Variants in ABI3BP observed in about 807,000 individuals in gnomAD.
ABI3BP encodes target of Nesh-SH3.
In ABI3BP, 216 loss-of-function variants were observed where a neutral mutation model predicts 268.6. The observed-to-expected ratio is 0.80, with a 90% CI of 0.72 to 0.90. ABI3BP has a LOEUF of 0.90. Among genes scored for constraint, ABI3BP ranks in the 40% least tolerant of loss-of-function variants. The probability of loss-of-function intolerance (pLI) is 0.00; values close to 1 mark genes in which losing one functional copy is unlikely to be tolerated. For missense variants in ABI3BP, 2,090 were observed against 2,182.4 expected (o/e 0.96, Z 0.84); for synonymous variants, 730 against 730.0 (o/e 1.00, Z 0.00).
At chr3:100,814,632 A>C (rs1437765069) in intron 44 of ABI3BP, among the ~76,000 whole-genome samples, 1 of 152,118 alleles carries the variant, frequency 6.6e-6, no homozygotes, top group East Asian at 1.9e-4. Context: ...CTTCATGATT[A>C]CTTTGTACTT....
In ABI3BP at chr3:100,864,067, T is replaced by C. The variant is rs1281426343; in HGVS notation, c.1073A>G (p.Lys358Arg). 1 of 1,535,914 alleles carries C rather than the reference T, an allele frequency of 6.5e-7. No individual in the cohort carries two copies. The highest frequency in any genetic ancestry group is 1.2e-5 in the South Asian group (1 of 84,058). ...AGTTTGCAATGTTTCCGGGGTCCTT[T>C]TGCTGAGAACTACAATAAAAAAGAG... ...DVSETTLVLS[K>R]RTPETLQTIL... Residue 358 changes from lysine (K) to arginine (R), a missense_variant, in exon 12 of 68, where the codon AAA (lysine) becomes AGA (arginine). By Grantham distance (26) the Lys-to-Arg change is conservative. Transcript: ENST00000471714.
intron 1 of ABI3BP, among the ~76,000 whole-genome samples, chr3:100,951,897 G>A (rs1311855032): frequency 6.6e-6 from 1 of 151,408 alleles, no homozygotes; most frequent in African/African-American, 2.5e-5. Flanking sequence ...ACATTCTTAA[G>A]GACAAACCAT....
chr3:100,812,564 G>C, intron 45 of ABI3BP, 41 bp from the exon 46 acceptor site: 1 of 1,241,248 alleles, frequency 8.1e-7, no homozygotes, highest in Non-Finnish European at 1.0e-6. Context: ...TAAAGGATAG[G>C]TTGTAAGTAT....
chr3:100,778,192 A>G, intron 59 of ABI3BP, 92 bp downstream of exon 59: 1 of 1,224,054 alleles, frequency 8.2e-7, no homozygotes, highest in East Asian at 2.4e-5. Flanking sequence ...ACACATCAAT[A>G]GTGTGCCTGT....
At chr3:100,938,365 G>T (rs377558997) in intron 1 of ABI3BP, among the ~76,000 whole-genome samples, 3 of 151,842 alleles carry the variant, frequency 2.0e-5, no homozygotes, top group South Asian at 2.1e-4. Flanking sequence ...AATTCTTAGG[G>T]AGTCGAAAAG....
intron 2 of ABI3BP, 40 bp downstream of exon 2, chr3:100,926,262 T>TACCTCCTG: frequency 6.2e-7 from 1 of 1,602,254 alleles, no homozygotes; most frequent in Admixed American, 1.7e-5. Context: ...CCCCACCTCT[T>TACCTCCTG]ACCTCCTTTC....
At chr3:100,853,928 T>A (rs7619641) in intron 14 of ABI3BP, among the ~76,000 whole-genome samples, 51,823 of 152,010 alleles carry the variant, frequency 0.34, 9,262 homozygotes, top group African/African-American at 0.43. Flanking sequence ...GTAGTTTCCA[T>A]GAGTTGGAAA....
intron 51 of ABI3BP, among the ~76,000 whole-genome samples, chr3:100,804,373 A>T (rs1217608838): frequency 6.6e-6 from 1 of 152,208 alleles, no homozygotes; most frequent in Non-Finnish European, 1.5e-5. Flanking sequence ...CAATGTGGAC[A>T]TAGTACAATT....
At chr3:100,870,979 T>TA (rs1013381992) in intron 9 of ABI3BP, among the ~76,000 whole-genome samples, 11 of 152,170 alleles carry the variant, frequency 7.2e-5, no homozygotes, top group African/African-American at 2.4e-4. Context: ...ATGTGGAATC[T>TA]AAAAAAAGTC....
chr3:100,771,450 TAAG>T (rs1386242158), intron 61 of ABI3BP, among the ~76,000 whole-genome samples: 2 of 151,684 alleles, frequency 1.3e-5, no homozygotes, highest in South Asian at 2.1e-4. Context: ...TTACCTATAA[TAAG>T]GAGAAAAAAA....
intron 49 of ABI3BP, among the ~76,000 whole-genome samples, chr3:100,808,685 A>G (rs762943282): frequency 2.0e-5 from 3 of 152,024 alleles, no homozygotes; most frequent in Non-Finnish European, 4.4e-5. Context: ...TAATGGAAAA[A>G]TTAATCTTAC....
intron 1 of ABI3BP, among the ~76,000 whole-genome samples, chr3:100,930,224 C>T (rs541826413): frequency 6.6e-6 from 1 of 151,890 alleles, no homozygotes; most frequent in East Asian, 1.9e-4. Flanking sequence ...CAGAAGAGCC[C>T]AGGAATTCAG....
chr3:100,752,310 A>G (rs2149234438), intron 66 of ABI3BP, among the ~76,000 whole-genome samples: 1 of 152,320 alleles, frequency 6.6e-6, no homozygotes, highest in East Asian at 1.9e-4. Flanking sequence ...ACTGAAAAAA[A>G]TCTACTTTTT....
Position 100,838,214 on chromosome 3 carries a change from T to G in ABI3BP, c.2079A>C (p.Lys693Asn). The G allele has an allele frequency of 6.5e-7, 1 of 1,535,530 alleles. No individual in the cohort carries two copies. The highest frequency in any genetic ancestry group is 8.7e-7 in the Non-Finnish European group (1 of 1,146,048). ...AGCACTGGAAATTATGTTTACCGGA[T>G]TTAGTTGGTGGCATGTCTGGTTCTG... ...TTAEPDMPPT[K>N]SVSEPVPFET... The change falls in exon 26 of 68, where the codon AAA (lysine) becomes AAC (asparagine). Residue 693 changes from lysine to asparagine, a missense_variant. By Grantham distance (94) the Lys-to-Asn change is moderately conservative (BLOSUM62 0). Coordinates refer to ENST00000471714, the MANE Select transcript of ABI3BP (RefSeq NM_001375547.2).
intron 3 of ABI3BP, among the ~76,000 whole-genome samples, chr3:100,899,300 A>AT (rs1432770721): frequency 1.3e-5 from 2 of 152,154 alleles, no homozygotes; most frequent in Non-Finnish European, 2.9e-5. Context: ...AAGTATGTTT[A>AT]TTTTTTTCCC....
At position 100,837,120 on chromosome 3, in the gene ABI3BP, T is replaced by G. The variant is rs1257027801; in HGVS notation, c.2131+4A>C. ...TTGGCCAAGAAGGAAGAAAGCATCATTACCTATGGTCATTGAGGGAGCTTC... is the reference window on the plus strand; with the variant it reads ...TTGGCCAAGAAGGAAGAAAGCATCAGTACCTATGGTCATTGAGGGAGCTTC... On this transcript the variant is annotated splice_donor_region_variant and intron_variant, in intron 27 of 67. Coordinates refer to ENST00000471714, the MANE Select transcript of ABI3BP (RefSeq NM_001375547.2). 6.5e-7 allele frequency: 1 copy of G among 1,532,462 alleles called. No homozygotes were observed. The allele number at this position is 1,532,462 out of a possible 1,614,324, so 94.9% of individuals were successfully genotyped here.
intron 7 of ABI3BP, 74 bp from the exon 8 acceptor site, chr3:100,875,653 T>A: frequency 1.9e-6 from 2 of 1,048,140 alleles, no homozygotes; most frequent in South Asian, 1.3e-5. Context: ...TGTGAAGCCA[T>A]CTGCACTGGA....
intron 2 of ABI3BP, among the ~76,000 whole-genome samples, chr3:100,925,689 C>T (rs1258122809): frequency 6.6e-6 from 1 of 151,968 alleles, no homozygotes; most frequent in East Asian, 1.9e-4. Flanking sequence ...GCTGTGATTA[C>T]AGATGTGAGA....
chr3:100,815,074 G>C (rs2097987652), intron 44 of ABI3BP, among the ~76,000 whole-genome samples: 1 of 152,064 alleles, frequency 6.6e-6, no homozygotes, highest in Non-Finnish European at 1.5e-5. Context: ...TCAACTGAGA[G>C]GGTTTAGGGA....
Sources: gnomAD v4.1 joint callset for allele counts (sites outside exome capture counted in the v4.1 genomes callset) on GRCh38, gnomAD v4.1.1 for gene constraint, MANE v1.5 for transcripts, NCBI Gene and HGNC (gene_info 2026-07-23, HGNC 2026-07-21) for gene names.